The following GNAL variants were observed in gnomAD, a reference collection of about 807,000 sequenced individuals.
GNAL encodes the protein guanine nucleotide-binding protein G(olf) subunit alpha.
A neutral mutation model predicts 55.1 loss-of-function variants in GNAL; 18 were observed. The ratio of observed to expected loss-of-function variants is 0.33; its 90% confidence interval spans 0.23 to 0.48. GNAL has a LOEUF of 0.48. Among genes scored for constraint, GNAL ranks in the 20% least tolerant of loss-of-function variants. The probability of loss-of-function intolerance (pLI) is 0.99; values close to 1 mark genes in which losing one functional copy is unlikely to be tolerated. For synonymous variants in GNAL, 253 were observed against 237.0 expected (o/e 1.07, Z -0.62); for missense variants, 412 against 614.1 (o/e 0.67, Z 3.48).
chr18:11,769,265 T>C (rs1026666357), intron 4 of GNAL, among the ~76,000 whole-genome samples: 1 of 149,672 alleles, frequency 6.7e-6, no homozygotes, highest in South Asian at 2.1e-4. Flanking sequence ...TGCTAACTCA[T>C]GTGGTATAGA....
intron 1 of GNAL, among the ~76,000 whole-genome samples, chr18:11,726,109 C>A (rs2032205440): frequency 6.6e-6 from 1 of 152,218 alleles, no homozygotes; most frequent in African/African-American, 2.4e-5. Context: ...CATTGATCTG[C>A]ATGTCTGTTG....
At chr18:11,766,299 G>T (rs74354438) in intron 4 of GNAL, among the ~76,000 whole-genome samples, 2 of 152,052 alleles carry the variant, frequency 1.3e-5, no homozygotes, top group Non-Finnish European at 2.9e-5. Context: ...TTTTTATCCT[G>T]TCATCTTCAT....
chr18:11,738,931 C>T (rs938723252), intron 1 of GNAL, among the ~76,000 whole-genome samples: 4 of 152,154 alleles, frequency 2.6e-5, no homozygotes, highest in South Asian at 2.1e-4. Context: ...CTCAGTGCTG[C>T]GGAGGAGCCC....
intron 5 of GNAL, among the ~76,000 whole-genome samples, chr18:11,844,446 A>G (rs2035687479): frequency 6.6e-6 from 1 of 152,178 alleles, no homozygotes; most frequent in Non-Finnish European, 1.5e-5. Flanking sequence ...AAATAAATAA[A>G]TAAATAGGTT....
At chr18:11,693,930 G>A (rs2031332001) in intron 1 of GNAL, among the ~76,000 whole-genome samples, 1 of 147,828 alleles carries the variant, frequency 6.8e-6, no homozygotes, top group South Asian at 2.1e-4. Flanking sequence ...ATGGCTCACT[G>A]CAGCCTGGAC....
intron 1 of GNAL, among the ~76,000 whole-genome samples, chr18:11,716,428 A>C (rs776560864): frequency 2.6e-5 from 4 of 152,326 alleles, no homozygotes; most frequent in Middle Eastern, 3.4e-3. Flanking sequence ...AGTGAGCAGC[A>C]GCAAGATTTA....
intron 5 of GNAL, among the ~76,000 whole-genome samples, chr18:11,839,137 G>A (rs182632502): frequency 2.0e-5 from 3 of 152,160 alleles, no homozygotes; most frequent in African/African-American, 7.2e-5. Context: ...CTAGAACAAT[G>A]CCTGGCATAT....
intron 1 of GNAL, among the ~76,000 whole-genome samples, chr18:11,699,943 G>T (rs1199560232): frequency 1.3e-5 from 2 of 152,208 alleles, no homozygotes; most frequent in Non-Finnish European, 2.9e-5. Context: ...GCCTGTCGGG[G>T]CAGGGAGTAC....
chr18:11,709,521 C>G (rs1411744796), intron 1 of GNAL, among the ~76,000 whole-genome samples: 1 of 151,854 alleles, frequency 6.6e-6, no homozygotes, highest in Non-Finnish European at 1.5e-5. Flanking sequence ...AAAGGTCTTT[C>G]TCCTCCTTGG....
intron 4 of GNAL, among the ~76,000 whole-genome samples, chr18:11,775,315 C>T (rs1160196266): frequency 6.6e-6 from 1 of 152,224 alleles, no homozygotes; most frequent in Non-Finnish European, 1.5e-5. Flanking sequence ...TATGCACACA[C>T]TGGGAGGAAA....
intron 1 of GNAL, among the ~76,000 whole-genome samples, chr18:11,722,639 G>C (rs552286658): frequency 6.6e-6 from 1 of 152,204 alleles, no homozygotes; most frequent in African/African-American, 2.4e-5. Flanking sequence ...GGGAGGCCAA[G>C]GTGGGCAGAT....
At chr18:11,775,187 G>C (rs1233293145) in intron 4 of GNAL, among the ~76,000 whole-genome samples, 2 of 152,180 alleles carry the variant, frequency 1.3e-5, no homozygotes, top group Non-Finnish European at 2.9e-5. Context: ...AGTGGTTCTG[G>C]GGGGCCCTGA....
intron 1 of GNAL, among the ~76,000 whole-genome samples, chr18:11,713,271 G>A (rs148379332): frequency 8.9e-4 from 135 of 152,332 alleles, no homozygotes; most frequent in African/African-American, 3.0e-3. Flanking sequence ...GCAGATGAGT[G>A]GGAAAGCTTT....
chr18:11,737,439 A>G (rs2032483844), intron 1 of GNAL, among the ~76,000 whole-genome samples: 1 of 151,998 alleles, frequency 6.6e-6, no homozygotes, highest in Non-Finnish European at 1.5e-5. Context: ...AGGTCTTCCA[A>G]GTCTCTCTGA....
chr18:11,796,405 G>A (rs187277907), intron 4 of GNAL, among the ~76,000 whole-genome samples: 122 of 151,896 alleles, frequency 8.0e-4, no homozygotes, highest in South Asian at 7.1e-3. Flanking sequence ...GTGAAACCCC[G>A]TCTCTACTAA....
At chr18:11,709,348 A>AAAG (rs1555641589) in intron 1 of GNAL, among the ~76,000 whole-genome samples, 1 of 151,054 alleles carries the variant, frequency 6.6e-6, no homozygotes, top group Non-Finnish European at 1.5e-5. Context: ...AAAAAAAAAA[A>AAAG]GTCATTAGGA....
chr18:11,780,942 A>C (rs1023537399), intron 4 of GNAL, among the ~76,000 whole-genome samples: 1 of 152,232 alleles, frequency 6.6e-6, no homozygotes, highest in Non-Finnish European at 1.5e-5. Flanking sequence ...CTTAAGTCAC[A>C]CTGAAGTATA....
At chr18:11,797,948 A>G (rs1313867567) in intron 4 of GNAL, among the ~76,000 whole-genome samples, 3 of 152,228 alleles carry the variant, frequency 2.0e-5, no homozygotes, top group Non-Finnish European at 4.4e-5. Flanking sequence ...AGGGTTAGTG[A>G]ATTAACCAGA....
intron 1 of GNAL, among the ~76,000 whole-genome samples, chr18:11,720,566 A>G (rs1255741398): frequency 6.6e-6 from 1 of 152,252 alleles, no homozygotes. Context: ...TTAATTGAGC[A>G]TATTCATCAT....
Sources: allele counts gnomAD v4.1 joint callset (sites outside exome capture counted in the v4.1 genomes callset), GRCh38; gene constraint gnomAD v4.1.1; transcripts MANE v1.5; gene names NCBI Gene and HGNC (gene_info 2026-07-23, HGNC 2026-07-21).